SHISA4: variants seen among roughly 807,000 people sequenced by gnomAD.
SHISA4 encodes protein shisa-4.
SHISA4 carries 16 observed loss-of-function variants against 24.2 expected under a neutral mutation model. That is an observed-to-expected ratio of 0.66 (90% confidence interval 0.45 to 1.00). The LOEUF (loss-of-function observed/expected upper bound fraction) is 1.00. Ranked by LOEUF, SHISA4 falls within the 50% of genes least tolerant of loss-of-function variation. The pLI is 0.00. For synonymous variants in SHISA4, 106 were observed against 105.4 expected, an observed-to-expected ratio of 1.01 and a Z score of -0.04; for missense variants, 238 against 258.9, an observed-to-expected ratio of 0.92 and a Z score of 0.55.
chr1:201,890,042 C>T (rs775872889), intron 2 of SHISA4, among the ~76,000 whole-genome samples: 33 of 152,112 alleles, frequency 2.2e-4, no homozygotes, highest in Non-Finnish European at 4.1e-4. Flanking sequence ...TTCTATGGGT[C>T]ATTGCTTGCC....
intron 3 of SHISA4, 43 bp from the exon 4 acceptor site, chr1:201,891,358 T>C (rs761543615): frequency 1.2e-4 from 194 of 1,612,496 alleles, no homozygotes; most frequent in East Asian, 3.3e-4. Flanking sequence ...AGGCTTCCCA[T>C]AGGAGATGGG....
intron 1 of SHISA4, 58 bp from the exon 2 acceptor site, chr1:201,889,387 C>G (rs143560923): frequency 6.3e-7 from 1 of 1,595,812 alleles, no homozygotes; most frequent in Non-Finnish European, 8.5e-7. Flanking sequence ...TGGGGCCGAG[C>G]GCGGCTGGGG....
chr1:201,891,638 C>G, intron 4 of SHISA4, 70 bp downstream of exon 4: 1 of 1,543,040 alleles, frequency 6.5e-7, no homozygotes, highest in Non-Finnish European at 8.9e-7. Flanking sequence ...TCCCCTGTGC[C>G]TCTCTCATTC....
At position 201,892,500 on chromosome 1, in the gene SHISA4, C is replaced by A. The variant is rs1165984385; in HGVS notation, c.*654C>A. Among the ~76,000 whole-genome samples, 1 of 152,056 alleles carries A rather than the reference C, an allele frequency of 6.6e-6. No individual in the cohort carries two copies. Among genetic ancestry groups the A allele is most frequent in the South Asian group, 2.1e-4 (1 of 4,822 alleles). Reference sequence around the variant, plus strand: ...TGGCTTCCTAAAGGCTTCCTAAAGACAATGAGGTGAATTTTGCCACAGCTC... The same window carrying A: ...TGGCTTCCTAAAGGCTTCCTAAAGAAAATGAGGTGAATTTTGCCACAGCTC... On this transcript the variant is annotated 3_prime_UTR_variant, in exon 5 of 5. Coordinates refer to ENST00000362011, the MANE Select transcript of SHISA4 (RefSeq NM_198149.3).
chr1:201,890,634 G>A, intron 3 of SHISA4, 47 bp downstream of exon 3: 1 of 1,605,528 alleles, frequency 6.2e-7, no homozygotes, highest in Non-Finnish European at 8.5e-7. Context: ...GCTGGGCTAA[G>A]TCCAATAATG....
In SHISA4 at chr1:201,889,585, G is replaced by A. The variant is rs140517698; in HGVS notation, c.214G>A (p.Glu72Lys). Residue 72 changes from glutamate (E) to lysine (K), a missense_variant, in exon 2 of 5, where the codon GAG becomes AAG. Transcript: ENST00000362011. ...CAGGGACCTGACCTTGCTTATCACCGAGAGGCAGCAGAAGCACTGCCTGGC... is the reference window on the plus strand; with the variant it reads ...CAGGGACCTGACCTTGCTTATCACCAAGAGGCAGCAGAAGCACTGCCTGGC... ...CCRDLTLLIT[E>K]RQQKHCLAFS... The A allele has an allele frequency of 1.9e-3, 2,990 of 1,613,720 alleles. 5 individuals are homozygous for A. The highest frequency in any genetic ancestry group is 2.2e-3 in the Non-Finnish European group (2,589 of 1,179,990).
In SHISA4 at chr1:201,892,158, G is replaced by T; in HGVS notation, c.*312G>T. On this transcript the variant is annotated 3_prime_UTR_variant, in exon 5 of 5. Coordinates refer to ENST00000362011, the MANE Select transcript of SHISA4 (RefSeq NM_198149.3). Reference sequence around the variant, plus strand: ...CCTCTGCTCCCAAGATCCCAGCCAGGAAGGCTGGGGCCCTACTGTTTGTCC... The same window carrying T: ...CCTCTGCTCCCAAGATCCCAGCCAGTAAGGCTGGGGCCCTACTGTTTGTCC... 1 of 338,970 alleles carries T rather than the reference G, an allele frequency of 3.0e-6. No individual in the cohort carries two copies. 21.0% of individuals were successfully genotyped at this position (338,970 alleles called of 1,614,324 possible).
At chr1:201,890,615 C>T (rs374128134) in intron 3 of SHISA4, 28 bp downstream of exon 3, 61 of 1,612,164 alleles carry the variant, frequency 3.8e-5, no homozygotes, top group Middle Eastern at 1.6e-4. Context: ...CAAGAAGGGC[C>T]TCAGATGGGC....
chr1:201,890,550 G>A lies in SHISA4; in HGVS notation c.342G>A (p.Leu114=), dbSNP rs748470553. ...GCTTCCTCTGTTCCTGTTGCTACCTGTACCGCCGGCGCCAGCAGCTCCAGA... is the reference window on the plus strand; with the variant it reads ...GCTTCCTCTGTTCCTGTTGCTACCTATACCGCCGGCGCCAGCAGCTCCAGA... ...ICCFLCSCCY[L]YRRRQQLQSP... The change falls in exon 3 of 5, where the codon CTG becomes CTA. Residue 114 remains leucine (L), a synonymous_variant. Coordinates refer to ENST00000362011, the MANE Select transcript of SHISA4 (RefSeq NM_198149.3). 6.2e-7 allele frequency: 1 copy of A among 1,614,238 alleles called. No individual in the cohort carries two copies. Among genetic ancestry groups the A allele is most frequent in the Non-Finnish European group, 8.5e-7 (1 of 1,180,050 alleles).
At position 201,889,456 on chromosome 1, in the gene SHISA4, G is replaced by A. The variant is rs780009350; in HGVS notation, c.85G>A (p.Glu29Lys). 6.2e-7 allele frequency: 1 copy of A among 1,613,146 alleles called. No individual in the cohort carries two copies. Among genetic ancestry groups the A allele is most frequent in the Non-Finnish European group, 8.5e-7 (1 of 1,180,000 alleles). ...ATCCCTGCCCGCAGTGCTGGCCGGC[G>A]AGGACTGCCTGTGGTACCTGGACCG... ...VLGAPLVLAG[E>K]DCLWYLDRNG... Residue 29 changes from glutamate (E) to lysine (K), a missense_variant, in exon 2 of 5, where the codon GAG becomes AAG. By Grantham distance (56) the Glu-to-Lys change is moderately conservative. Transcript: ENST00000362011.
intron 1 of SHISA4, 67 bp downstream of exon 1, chr1:201,889,134 AGGGGCTT>A: frequency 1.5e-6 from 2 of 1,343,982 alleles, no homozygotes; most frequent in South Asian, 3.2e-5. Context: ...GACCGATCCG[AGGGGCTT>A]GGGCTCGGGG....
At chr1:201,890,190 T>C (rs1028888079) in intron 2 of SHISA4, among the ~76,000 whole-genome samples, 2 of 152,184 alleles carry the variant, frequency 1.3e-5, no homozygotes, top group African/African-American at 4.8e-5. Flanking sequence ...GTATGTCTAA[T>C]CATTTAAGTT....
At chr1:201,889,121 A>G (rs1000199619) in intron 1 of SHISA4, 54 bp downstream of exon 1, 10 of 1,363,390 alleles carry the variant, frequency 7.3e-6, no homozygotes, top group African/African-American at 1.5e-5. Context: ...GAGGAAGGGG[A>G]GGGACCGATC....
Position 201,889,039 on chromosome 1 carries a change from C to T in SHISA4, c.45C>T (p.Ile15=). 7.2e-7 allele frequency: 1 copy of T among 1,380,760 alleles called. No individual in the cohort carries two copies. The highest frequency in any genetic ancestry group is 9.4e-7 in the Non-Finnish European group (1 of 1,066,658). The allele number at this position is 1,380,760 out of a possible 1,614,324, so 85.5% of individuals were successfully genotyped here. Residue 15 remains isoleucine, a synonymous_variant, in exon 1 of 5, where the codon ATC becomes ATT. Coordinates refer to ENST00000362011, the MANE Select transcript of SHISA4 (RefSeq NM_198149.3). ...GCCGGGCCGCGCCGCTCACCGCAAT[C>T]GCTCTGTTGGTGCTGGGGGCTCCCC... The part of the protein sequence containing the change: ...GLRRAAPLTA[I]ALLVLGAPLV...
chr1:201,891,823 C>T lies in SHISA4; in HGVS notation c.571C>T (p.Gln191Ter), dbSNP rs767936456. The T allele has an allele frequency of 1.2e-6, 2 of 1,614,152 alleles. No individual in the cohort carries two copies. Among genetic ancestry groups the T allele is most frequent in the Non-Finnish European group, 1.7e-6 (2 of 1,180,002 alleles). ...AGCTCCTCCTCCCTATATGCCACCA[C>T]AGCCCTCTTACCCGGGAGCCTGAGG... ...PAAPPPYMPP[Q>*]PSYPGA The change falls in exon 5 of 5, where the codon CAG (glutamine) becomes TAG (stop). Residue 191 changes from glutamine to a stop codon, truncating the protein, a stop_gained. Coordinates refer to ENST00000362011, the MANE Select transcript of SHISA4 (RefSeq NM_198149.3). LOFTEE classifies it high-confidence loss of function.
At chr1:201,890,411 C>T in intron 2 of SHISA4, 43 bp from the exon 3 acceptor site, 1 of 1,609,596 alleles carries the variant, frequency 6.2e-7, no homozygotes, top group East Asian at 2.2e-5. Context: ...GGACTCCGTC[C>T]TATGAGTGTT....
Position 201,889,625 on chromosome 1 carries a change from C to T in SHISA4, c.245+9C>T. On this transcript the variant is annotated intron_variant, in intron 2 of 4. Transcript: ENST00000362011. Reference sequence around the variant, plus strand: ...CACTGCCTGGCCTTCAGGTGGGTTCCTGCCTCCTCACCCTCACCACCTCCT... The same window carrying T: ...CACTGCCTGGCCTTCAGGTGGGTTCTTGCCTCCTCACCCTCACCACCTCCT... The T allele has an allele frequency of 6.2e-7, 1 of 1,613,136 alleles. No individual in the cohort carries two copies. Among genetic ancestry groups the T allele is most frequent in the Non-Finnish European group, 8.5e-7 (1 of 1,179,886 alleles).
At chr1:201,891,365 T>G in intron 3 of SHISA4, 36 bp from the exon 4 acceptor site, 1 of 1,613,300 alleles carries the variant, frequency 6.2e-7, no homozygotes, top group Non-Finnish European at 8.5e-7. Flanking sequence ...CCATAGGAGA[T>G]GGGTCTCTGA....
Position 201,889,187 on chromosome 1 carries a change from G to A in SHISA4, c.73+120G>A. 3.0e-6 allele frequency: 3 copies of A among 1,015,398 alleles called. No homozygotes were observed. In the South Asian group the frequency reaches 5.2e-5, roughly 18 times the overall value. 62.9% of individuals were successfully genotyped at this position (1,015,398 alleles called of 1,614,324 possible). A position where few individuals can be genotyped will look rare whatever the true frequency, so the allele number is the denominator to read the frequency against. On this transcript the variant is annotated intron_variant, in intron 1 of 4. Coordinates refer to ENST00000362011, the MANE Select transcript of SHISA4 (RefSeq NM_198149.3). ...ACCCTCCGGCTGCCACGGGAGCCTT[G>A]GGTGTTGCTGGGTCCTCAAGAAGCG...
Sources: allele counts gnomAD v4.1 joint callset (sites outside exome capture counted in the v4.1 genomes callset), GRCh38; gene constraint gnomAD v4.1.1; transcripts MANE v1.5; gene names NCBI Gene and HGNC (gene_info 2026-07-23, HGNC 2026-07-21).